NFATC2: variants seen among roughly 807,000 people sequenced by gnomAD.
NFATC2 encodes the protein nuclear factor of activated T-cells, cytoplasmic 2.
In NFATC2, 22 loss-of-function variants were observed where a neutral mutation model predicts 87.3. That is an observed-to-expected ratio of 0.25 (90% CI 0.18 to 0.36). The LOEUF is 0.36. NFATC2 is among the 10% of genes least tolerant of loss of function. The probability of loss-of-function intolerance (pLI) is 1.00; values close to 1 mark genes in which losing one functional copy is unlikely to be tolerated. For missense variants in NFATC2, 1,149 were observed against 1,259.1 expected (o/e 0.91, Z 1.32); for synonymous variants, 565 against 542.2 (o/e 1.04, Z -0.58).
At chr20:51,449,920 C>T (rs1985563423) in intron 6 of NFATC2, among the ~76,000 whole-genome samples, 1 of 151,254 alleles carries the variant, frequency 6.6e-6, no homozygotes. Flanking sequence ...TTACTAATAA[C>T]GTTCATTATT....
intron 3 of NFATC2, among the ~76,000 whole-genome samples, chr20:51,513,093 C>T (rs2146678299): frequency 1.3e-5 from 2 of 152,216 alleles, no homozygotes; most frequent in African/African-American, 4.8e-5. Flanking sequence ...AAAACATAAT[C>T]TATTCAAATG....
chr20:51,386,970 C>A lies in NFATC2; in HGVS notation c.*4526G>T, dbSNP rs1985833473. On this transcript the variant is annotated 3_prime_UTR_variant, in exon 11 of 11. Transcript: ENST00000371564. ...GATACACCAAAGTAGATGTTGCTTC[C>A]AACTGTTTTATTGCTAAACTATCAT... The A allele has an allele frequency of 6.6e-6, 1 of 152,108 alleles. No homozygotes were observed. Among genetic ancestry groups the A allele is most frequent in the East Asian group, 1.9e-4 (1 of 5,202 alleles). The allele number at this position is 152,108 out of a possible 1,614,324, so 9.4% of individuals were successfully genotyped here. A position where few individuals can be genotyped will look rare whatever the true frequency, so the allele number is the denominator to read the frequency against.
At chr20:51,405,212 G>A (rs964934563) in intron 9 of NFATC2, among the ~76,000 whole-genome samples, 16 of 152,088 alleles carry the variant, frequency 1.1e-4, no homozygotes, top group African/African-American at 3.1e-4. Context: ...TCCAGGGACC[G>A]TAAGACATCC....
At chr20:51,483,567 C>A (rs1989452678) in intron 3 of NFATC2, among the ~76,000 whole-genome samples, 1 of 151,540 alleles carries the variant, frequency 6.6e-6, no homozygotes, top group Non-Finnish European at 1.5e-5. Flanking sequence ...GCTAAAGTTG[C>A]AGCACGTACC....
At position 51,480,728 on chromosome 20, in the gene NFATC2, A is replaced by AC. The variant is rs965127873; in HGVS notation, c.1333-5069dup. Among the ~76,000 whole-genome samples the AC allele has an allele frequency of 6.6e-5, 10 of 151,882 alleles. No homozygotes were observed. Among genetic ancestry groups the AC allele is most frequent in the African/African-American group, 1.9e-4 (8 of 41,322 alleles). On this transcript the variant is annotated intron_variant, in intron 3 of 10. Transcript: ENST00000371564. The surrounding 1 kb of genome is among the most constrained non-coding windows in gnomAD (Gnocchi z 4.2). ...TATGCTCAGATAAAAAGGAGACATC[A>AC]CCCCCCACCCTGCAGGCCTCTTCTG...
chr20:51,487,887 T>C (rs557531770), intron 3 of NFATC2, among the ~76,000 whole-genome samples: 4 of 152,232 alleles, frequency 2.6e-5, no homozygotes, highest in Admixed American at 2.6e-4. Context: ...CCAGTTTCTT[T>C]CATTTCAAAG....
intron 9 of NFATC2, among the ~76,000 whole-genome samples, chr20:51,424,058 CAA>C (rs1223690698): frequency 2.0e-5 from 3 of 152,108 alleles, no homozygotes; most frequent in Non-Finnish European, 4.4e-5. Flanking sequence ...GGAGGGGAAA[CAA>C]GAGAGGGAAA....
intron 1 of NFATC2, among the ~76,000 whole-genome samples, chr20:51,557,423 C>G (rs2076988039): frequency 6.6e-6 from 1 of 152,168 alleles, no homozygotes; most frequent in Admixed American, 6.5e-5. Context: ...TGAGGTGGCA[C>G]ATGAAAGGCC....
chr20:51,416,941 G>T (rs970051834), intron 9 of NFATC2, among the ~76,000 whole-genome samples: 32 of 152,194 alleles, frequency 2.1e-4, no homozygotes, highest in African/African-American at 5.8e-4. Flanking sequence ...GAGGGCCCAG[G>T]AGGAGGTCAG....
intron 10 of NFATC2, among the ~76,000 whole-genome samples, chr20:51,397,983 T>G (rs936785729): frequency 2.6e-5 from 4 of 152,158 alleles, no homozygotes; most frequent in Admixed American, 6.5e-5. Context: ...CGATAAGGTC[T>G]TCTTAGCGGC....
rs755836136 is a variant in NFATC2, at chr20:51,524,331, A to T, written c.131-221T>A. 1.4e-4 allele frequency among the ~76,000 whole-genome samples: 21 copies of T among 152,168 alleles called. No individual in the cohort carries two copies. The highest frequency in any genetic ancestry group is 2.4e-4 in the Non-Finnish European group (16 of 68,020). ...CAGGTCGAAGCAGAATGAGTTCTGGAAGACCCCTGGGCTAAGGGCCTCGAA... is the reference window on the plus strand; with the variant it reads ...CAGGTCGAAGCAGAATGAGTTCTGGTAGACCCCTGGGCTAAGGGCCTCGAA... On this transcript the variant is annotated intron_variant, in intron 1 of 10. Coordinates refer to ENST00000371564, the MANE Select transcript of NFATC2 (RefSeq NM_012340.5). This position sits in a 1 kb window ranked among gnomAD's most constrained non-coding sequence, Gnocchi z 4.0.
chr20:51,473,827 C>T (rs955863776), intron 5 of NFATC2, among the ~76,000 whole-genome samples, 153 bp downstream of exon 5: 5 of 152,324 alleles, frequency 3.3e-5, no homozygotes, highest in African/African-American at 7.2e-5. Context: ...CTGTCTCTGT[C>T]CCCTCTGGTC....
At chr20:51,499,074 G>A (rs4809848) in intron 3 of NFATC2, among the ~76,000 whole-genome samples, 13,877 of 152,204 alleles carry the variant, frequency 0.091, 807 homozygotes, top group South Asian at 0.18. Flanking sequence ...GGGACCGGGT[G>A]ACACGGCCTG....
At position 51,422,578 on chromosome 20, in the gene NFATC2, T is replaced by C. The variant is rs920638240; in HGVS notation, c.2722+9489A>G. 2.0e-4 allele frequency among the ~76,000 whole-genome samples: 30 copies of C among 151,428 alleles called. 1 individual carries two copies. The highest frequency in any genetic ancestry group is 2.1e-4 in the South Asian group (1 of 4,788). On this transcript the variant is annotated intron_variant, in intron 9 of 10. Coordinates refer to ENST00000371564, the MANE Select transcript of NFATC2 (RefSeq NM_012340.5). ...CAGGAAGAAAACCCCTCTTTTTTTT[T>C]TTTTTTTCTGAAAGGGTGGAAACTA...
At chr20:51,509,124 T>A (rs1348590607) in intron 3 of NFATC2, among the ~76,000 whole-genome samples, 1 of 152,148 alleles carries the variant, frequency 6.6e-6, no homozygotes, top group East Asian at 1.9e-4. Flanking sequence ...GAGAGGTCCC[T>A]GCAGCTTCCA....
At chr20:51,436,181 G>A (rs1000135999) in intron 6 of NFATC2, among the ~76,000 whole-genome samples, 6 of 152,082 alleles carry the variant, frequency 3.9e-5, no homozygotes, top group Admixed American at 6.5e-5. Context: ...ATTCATACCC[G>A]AACCTCAGTG....
intron 8 of NFATC2, among the ~76,000 whole-genome samples, chr20:51,433,181 T>G (rs1332896677): frequency 6.6e-6 from 1 of 152,164 alleles, no homozygotes; most frequent in East Asian, 1.9e-4. Context: ...TACATGCTGA[T>G]TTATTACCTA....
chr20:51,454,549 T>G lies in NFATC2; in HGVS notation c.1848A>C (p.Thr616=). The change falls in exon 6 of 11, where the codon ACA becomes ACC. Residue 616 remains threonine, a splice_region_variant and synonymous_variant. Coordinates refer to ENST00000371564, the MANE Select transcript of NFATC2 (RefSeq NM_012340.5). The part of the protein sequence containing the change: ...ESKVVFTEKT[T]DGQQIWEMEA... ...GAAAGAGCTCAAAAATCCACTGACC[T>G]GTGGTCTTCTCAGTAAACACAACTT... 6.2e-7 allele frequency: 1 copy of G among 1,614,024 alleles called. No individual in the cohort carries two copies. The highest frequency in any genetic ancestry group is 8.5e-7 in the Non-Finnish European group (1 of 1,179,994).
At chr20:51,460,711 G>T (rs1482277809) in intron 5 of NFATC2, among the ~76,000 whole-genome samples, 1 of 151,372 alleles carries the variant, frequency 6.6e-6, no homozygotes, top group Non-Finnish European at 1.5e-5. Flanking sequence ...GAGCTCAGGC[G>T]ATCCGCACGC....
Sources: allele counts gnomAD v4.1 joint callset (sites outside exome capture counted in the v4.1 genomes callset), GRCh38; gene constraint gnomAD v4.1.1; non-coding constraint Gnocchi (gnomAD v3.1); transcripts MANE v1.5; gene names NCBI Gene and HGNC (gene_info 2026-07-23, HGNC 2026-07-21).